The following TNR variants were observed in gnomAD, a reference collection of about 807,000 sequenced individuals.
The protein encoded by TNR is tenascin-R.
TNR carries 45 observed loss-of-function variants against 150.4 expected under a neutral mutation model. The observed-to-expected ratio is 0.30, with a 90% CI of 0.24 to 0.38. TNR has a LOEUF of 0.38. TNR is among the 10% of genes least tolerant of loss of function. The probability of loss-of-function intolerance (pLI) is 1.00; values close to 1 mark genes in which losing one functional copy is unlikely to be tolerated. For missense variants in TNR, 1,544 were observed against 1,759.1 expected (o/e 0.88, Z 2.19); for synonymous variants, 687 against 678.4 (o/e 1.01, Z -0.20).
chr1:175,439,266 C>A (rs1369298663), intron 2 of TNR, among the ~76,000 whole-genome samples: 1 of 152,058 alleles, frequency 6.6e-6, no homozygotes, highest in Non-Finnish European at 1.5e-5. Context: ...GAAAAACAAG[C>A]AATGGGGAAA....
At chr1:175,734,046 A>G (rs1442138910) in intron 1 of TNR, among the ~76,000 whole-genome samples, 1 of 152,104 alleles carries the variant, frequency 6.6e-6, no homozygotes, top group Non-Finnish European at 1.5e-5. Context: ...TGGTGACAGT[A>G]TGAGAAGGGA....
chr1:175,569,396 A>G (rs1047013210), intron 1 of TNR, among the ~76,000 whole-genome samples: 2 of 152,210 alleles, frequency 1.3e-5, no homozygotes, highest in Non-Finnish European at 2.9e-5. Context: ...CAAAGATTCA[A>G]TCCCCAAATA....
At chr1:175,594,810 TG>T (rs1408833754) in intron 1 of TNR, among the ~76,000 whole-genome samples, 1 of 147,912 alleles carries the variant, frequency 6.8e-6, no homozygotes, top group Non-Finnish European at 1.5e-5. Flanking sequence ...GAGCCAAGAT[TG>T]CAACCATTGC....
Position 175,532,696 on chromosome 1 carries a change from T to A in TNR, c.-164-4327A>T, listed in dbSNP as rs561115521. ...TTCTGGCTCAGGGTCTCTCACGAGGTTTCAGTCAAGATGTTGAAGGTTGCA... is the reference window on the plus strand; with the variant it reads ...TTCTGGCTCAGGGTCTCTCACGAGGATTCAGTCAAGATGTTGAAGGTTGCA... On this transcript the variant is annotated intron_variant, in intron 1 of 22. Transcript: ENST00000367674. Among the ~76,000 whole-genome samples the A allele has an allele frequency of 2.0e-5, 3 of 152,108 alleles. No homozygotes were observed. The East Asian group carries it at 5.8e-4, about 29-fold the overall frequency.
At chr1:175,708,012 G>A (rs1292656523) in intron 1 of TNR, among the ~76,000 whole-genome samples, 12 of 113,694 alleles carry the variant, frequency 1.1e-4, no homozygotes, top group Non-Finnish European at 1.6e-4. Context: ...AGAGCCATGT[G>A]TGTGTTTGTG....
At chr1:175,568,848 C>G (rs1269508766) in intron 1 of TNR, among the ~76,000 whole-genome samples, 1 of 152,212 alleles carries the variant, frequency 6.6e-6, no homozygotes, top group Non-Finnish European at 1.5e-5. Context: ...CAGTTTCACT[C>G]TCTTCAGTGC....
chr1:175,506,051 A>T lies in TNR; in HGVS notation c.-64+22218T>A, dbSNP rs181588907. Among the ~76,000 whole-genome samples, 17 of 152,342 alleles carry T rather than the reference A, an allele frequency of 1.1e-4. 1 individual carries two copies. In the East Asian group the frequency reaches 2.9e-3, roughly 26 times the overall value. ...TGAGACTCTGTCTCAGAAACAACAG[A>T]TGAAATGGATTCTATAAATGATGAG... On this transcript the variant is annotated intron_variant, in intron 2 of 22. Coordinates refer to ENST00000367674, the MANE Select transcript of TNR (RefSeq NM_003285.3).
intron 1 of TNR, among the ~76,000 whole-genome samples, chr1:175,585,132 T>C (rs2102231878): frequency 6.6e-6 from 1 of 152,354 alleles, no homozygotes; most frequent in Non-Finnish European, 1.5e-5. Flanking sequence ...CAAAAACTGA[T>C]GATGTGATCT....
chr1:175,460,592 C>G (rs1184794202), intron 2 of TNR, among the ~76,000 whole-genome samples: 1 of 152,170 alleles, frequency 6.6e-6, no homozygotes, highest in Non-Finnish European at 1.5e-5. Flanking sequence ...TTTTGGCTTA[C>G]AAAGTATCCT....
intron 1 of TNR, among the ~76,000 whole-genome samples, chr1:175,619,491 C>A (rs549435259): frequency 1.3e-5 from 2 of 152,274 alleles, no homozygotes; most frequent in South Asian, 4.1e-4. Flanking sequence ...TAGAACAAAG[C>A]TAAGCAGGCT....
At chr1:175,709,366 G>A (rs1666936680) in intron 1 of TNR, among the ~76,000 whole-genome samples, 1 of 150,648 alleles carries the variant, frequency 6.6e-6, no homozygotes, top group Non-Finnish European at 1.5e-5. Context: ...GGAGAAATCA[G>A]GAATTTATTC....
At chr1:175,729,369 A>G (rs1298704774) in intron 1 of TNR, among the ~76,000 whole-genome samples, 1 of 152,172 alleles carries the variant, frequency 6.6e-6, no homozygotes, top group Non-Finnish European at 1.5e-5. Flanking sequence ...TAAATAAGCC[A>G]CAGTTAGAGC....
At chr1:175,607,021 G>T (rs1465634999) in intron 1 of TNR, among the ~76,000 whole-genome samples, 6 of 152,114 alleles carry the variant, frequency 3.9e-5, no homozygotes, top group Admixed American at 6.5e-5. Flanking sequence ...CTTTCACATG[G>T]GTCTTTGTCC....
chr1:175,495,243 G>C (rs1275258214), intron 2 of TNR, among the ~76,000 whole-genome samples: 3 of 152,192 alleles, frequency 2.0e-5, no homozygotes, highest in African/African-American at 7.2e-5. Context: ...TCAGTGCAAA[G>C]AGCTACGGGA....
intron 1 of TNR, among the ~76,000 whole-genome samples, chr1:175,608,881 A>G (rs1173930650): frequency 6.6e-6 from 1 of 152,236 alleles, no homozygotes; most frequent in East Asian, 1.9e-4. Context: ...GATGTGGACT[A>G]TAGAAACCCC....
intron 1 of TNR, among the ~76,000 whole-genome samples, chr1:175,586,683 C>A (rs1163182613): frequency 1.3e-5 from 2 of 152,130 alleles, no homozygotes; most frequent in Non-Finnish European, 2.9e-5. Flanking sequence ...AGCCCTCCAA[C>A]CTATGGAGAA....
At chr1:175,538,068 G>T (rs1208596261) in intron 1 of TNR, among the ~76,000 whole-genome samples, 1 of 152,228 alleles carries the variant, frequency 6.6e-6, no homozygotes, top group African/African-American at 2.4e-5. Context: ...GGGAGGTAAA[G>T]CTGGAGCTTA....
At chr1:175,323,534 C>CAAAAAAA in intron 22 of TNR, 58 bp from the exon 23 acceptor site, 1 of 1,577,630 alleles carries the variant, frequency 6.3e-7, no homozygotes, top group Admixed American at 1.9e-5. Flanking sequence ...CGCCCCACTT[C>CAAAAAAA]AAAAAAGGGG....
chr1:175,541,215 T>C (rs2102189448), intron 1 of TNR, among the ~76,000 whole-genome samples: 1 of 152,318 alleles, frequency 6.6e-6, no homozygotes, highest in South Asian at 2.1e-4. Flanking sequence ...ATTTTCCAAG[T>C]TGTGTTGCAG....
Sources: gnomAD v4.1 joint callset for allele counts (sites outside exome capture counted in the v4.1 genomes callset) on GRCh38, gnomAD v4.1.1 for gene constraint, MANE v1.5 for transcripts, NCBI Gene and HGNC (gene_info 2026-07-23, HGNC 2026-07-21) for gene names.